Variants in NEBL observed in about 807,000 individuals in gnomAD.
NEBL encodes LIM and SH3 protein 2.
A neutral mutation model predicts 140.2 loss-of-function variants in NEBL; 122 were observed. That is an observed-to-expected ratio of 0.87 (90% CI 0.75 to 1.01). The LOEUF is 1.01. Among genes scored for constraint, NEBL ranks in the 50% least tolerant of loss-of-function variants. NEBL has a pLI of 0.00. For missense variants in NEBL, 1,365 were observed against 1,231.3 expected (o/e 1.11, Z -1.62); for synonymous variants, 436 against 398.9 (o/e 1.09, Z -1.11).
At chr10:21,078,475 G>A (rs962679516) in intron 2 of NEBL, among the ~76,000 whole-genome samples, 1 of 147,388 alleles carries the variant, frequency 6.8e-6, no homozygotes, top group Non-Finnish European at 1.5e-5. Context: ...TATGCTGTTT[G>A]CCATCGTGTA....
intron 3 of NEBL, among the ~76,000 whole-genome samples, chr10:21,227,785 CTCT>C (rs1842189353): frequency 7.7e-6 from 1 of 130,272 alleles, no homozygotes; most frequent in Non-Finnish European, 1.6e-5. Context: ...CTTCTTCTTT[CTCT>C]TCTTTCTTCT....
At chr10:21,146,409 A>C (rs1390532603) in intron 2 of NEBL, 6 of 1,597,986 alleles carry the variant, frequency 3.8e-6, no homozygotes, top group South Asian at 3.4e-5. Flanking sequence ...AGTAAAGCAC[A>C]AACACTCTCT....
chr10:20,800,667 C>T lies in NEBL; in HGVS notation c.2761+7843G>A, dbSNP rs527937308. Among the ~76,000 whole-genome samples, 168 of 152,026 alleles carry T rather than the reference C, an allele frequency of 1.1e-3. 1 individual carries two copies. The highest frequency in any genetic ancestry group is 3.9e-3 in the African/African-American group (161 of 41,474). Reference sequence around the variant, plus strand: ...GTTATCTAATTTCAGTGTTTCTGCTCTTCTGCATAAACGACAAATGCTCAC... The same window carrying T: ...GTTATCTAATTTCAGTGTTTCTGCTTTTCTGCATAAACGACAAATGCTCAC... On this transcript the variant is annotated intron_variant, in intron 26 of 27. Transcript: ENST00000377122.
intron 2 of NEBL, among the ~76,000 whole-genome samples, chr10:21,148,659 G>A (rs1270321656): frequency 6.6e-6 from 1 of 152,102 alleles, no homozygotes; most frequent in Non-Finnish European, 1.5e-5. Context: ...CCGAGTAGCT[G>A]AGACTGCAGG....
upstream of NEBL, among the ~76,000 whole-genome samples, chr10:21,175,382 G>A (rs186476978): frequency 6.6e-6 from 1 of 152,296 alleles, no homozygotes; most frequent in Admixed American, 6.5e-5. Context: ...GAGTCAGCTA[G>A]GATTATTATA....
chr10:21,005,514 C>T (rs1314950698), intron 3 of NEBL, among the ~76,000 whole-genome samples: 1 of 151,030 alleles, frequency 6.6e-6, no homozygotes, highest in Non-Finnish European at 1.5e-5. Flanking sequence ...ATGGGGGGAT[C>T]GCTTGAGCCC....
chr10:21,226,026 C>T (rs1842141983), intron 3 of NEBL, among the ~76,000 whole-genome samples: 1 of 152,090 alleles, frequency 6.6e-6, no homozygotes, highest in African/African-American at 2.4e-5. Context: ...CTGAGTCTCA[C>T]ATGAGGTCCA....
At chr10:20,897,335 A>G (rs1250685806), upstream of NEBL, 1 of 1,481,134 alleles carries the variant, frequency 6.8e-7, no homozygotes, top group East Asian at 2.5e-5. Flanking sequence ...CCTCAGCCCT[A>G]TTTAGCCCAC....
intron 3 of NEBL, among the ~76,000 whole-genome samples, chr10:20,992,070 TA>T (rs1457367955): frequency 6.6e-6 from 1 of 152,240 alleles, no homozygotes; most frequent in Non-Finnish European, 1.5e-5. Flanking sequence ...GGTGCTGTGA[TA>T]AACATGAATG....
At chr10:20,971,408 T>C (rs1457826690) in intron 3 of NEBL, among the ~76,000 whole-genome samples, 2 of 151,998 alleles carry the variant, frequency 1.3e-5, no homozygotes, top group Non-Finnish European at 2.9e-5. Flanking sequence ...TTTTTAAATA[T>C]AAATAGCTTA....
chr10:20,963,047 C>T (rs575668314), intron 3 of NEBL, among the ~76,000 whole-genome samples: 7 of 138,244 alleles, frequency 5.1e-5, no homozygotes, highest in East Asian at 2.1e-4. Context: ...CACACACACA[C>T]GGAAATCTAG....
At chr10:21,095,996 T>C (rs1056509578) in intron 2 of NEBL, among the ~76,000 whole-genome samples, 8 of 152,234 alleles carry the variant, frequency 5.3e-5, no homozygotes, top group Non-Finnish European at 1.2e-4. Context: ...GATTATCCTC[T>C]GGCTCTAACA....
intron 4 of NEBL, among the ~76,000 whole-genome samples, chr10:20,905,063 A>G (rs930565144): frequency 2.0e-5 from 3 of 152,258 alleles, no homozygotes; most frequent in Non-Finnish European, 4.4e-5. Context: ...AAATGGGGAA[A>G]TAATGAAGAA....
At chr10:21,024,259 A>G (rs910821649) in intron 2 of NEBL, among the ~76,000 whole-genome samples, 4 of 152,158 alleles carry the variant, frequency 2.6e-5, no homozygotes, top group Non-Finnish European at 4.4e-5. Context: ...ATTTTTTAAT[A>G]GTGGGTTAAT....
intron 13 of NEBL, among the ~76,000 whole-genome samples, chr10:20,836,926 C>T (rs1166595307): frequency 6.6e-6 from 1 of 152,126 alleles, no homozygotes; most frequent in East Asian, 1.9e-4. Context: ...CAAATGCACC[C>T]CTATAAGTCA....
At chr10:21,128,226 G>A (rs937115999) in intron 2 of NEBL, among the ~76,000 whole-genome samples, 1 of 152,044 alleles carries the variant, frequency 6.6e-6, no homozygotes. Flanking sequence ...CCATTAGTAA[G>A]ACATGTATGT....
chr10:21,143,118 G>C (rs542018783), intron 2 of NEBL, among the ~76,000 whole-genome samples: 1 of 152,240 alleles, frequency 6.6e-6, no homozygotes, highest in Non-Finnish European at 1.5e-5. Context: ...TGTAGAAAAA[G>C]AGGAGTTTTC....
At chr10:21,280,867 GT>G (rs1842984932) in intron 1 of NEBL, among the ~76,000 whole-genome samples, 1 of 151,930 alleles carries the variant, frequency 6.6e-6, no homozygotes. Context: ...TGCCCACATC[GT>G]CTTCCCAAAG....
At chr10:21,258,462 T>A (rs1842693994) in intron 1 of NEBL, among the ~76,000 whole-genome samples, 1 of 151,998 alleles carries the variant, frequency 6.6e-6, no homozygotes, top group South Asian at 2.1e-4. Context: ...CCCAGCACTT[T>A]GGGAGGCCGA....
Sources: gnomAD v4.1 joint callset for allele counts (sites outside exome capture counted in the v4.1 genomes callset) on GRCh38, gnomAD v4.1.1 for gene constraint, MANE v1.5 for transcripts, NCBI Gene and HGNC (gene_info 2026-07-23, HGNC 2026-07-21) for gene names.